Variants in TMEM131L observed in about 807,000 individuals in gnomAD.
TMEM131L encodes transmembrane protein 131-like.
A neutral mutation model predicts 192.2 loss-of-function variants in TMEM131L; 54 were observed. The observed-to-expected ratio is 0.28, with a 90% CI of 0.23 to 0.35. The LOEUF (loss-of-function observed/expected upper bound fraction) is 0.35. Among genes scored for constraint, TMEM131L ranks in the 10% least tolerant of loss-of-function variants. The pLI, the probability that TMEM131L is intolerant of heterozygous loss-of-function variation, is 1.00. For missense variants in TMEM131L, 1,888 were observed against 1,972.9 expected, an observed-to-expected ratio of 0.96 and a Z score of 0.82; for synonymous variants, 701 against 704.9, an observed-to-expected ratio of 0.99 and a Z score of 0.09.
chr4:153,616,651 TAGA>T (rs1732996180), intron 26 of TMEM131L, among the ~76,000 whole-genome samples: 1 of 152,328 alleles, frequency 6.6e-6, no homozygotes, highest in South Asian at 2.1e-4. Flanking sequence ...AAGAATAAGG[TAGA>T]AGAAGATCTA....
intron 14 of TMEM131L, among the ~76,000 whole-genome samples, chr4:153,586,873 A>G (rs1004650185): frequency 7.9e-5 from 12 of 152,188 alleles, no homozygotes; most frequent in African/African-American, 2.7e-4. Flanking sequence ...AATCTGGGTA[A>G]ATTATATTTA....
At chr4:153,467,679 T>C (rs926559193) in intron 2 of TMEM131L, among the ~76,000 whole-genome samples, 2 of 152,248 alleles carry the variant, frequency 1.3e-5, no homozygotes, top group African/African-American at 4.8e-5. Flanking sequence ...TATTTGCCAT[T>C]AGCGTTAAGT....
rs531620464 is a variant in TMEM131L at position 153,504,266 on chromosome 4, CTTTTTTTTTTTTTTT to C, written c.239+30395_239+30409del. The stretch of plus-strand genomic sequence containing the variant: ...ACGGGCGTGAGCCACCGCGGTCGGC[CTTTTTTTTTTTTTTT>C]TTTTTTTTTTTTTTTTGGAGACAGA... On this transcript the variant is annotated intron_variant, in intron 3 of 34. Transcript: ENST00000409959. Among the ~76,000 whole-genome samples, 68 of 42,630 alleles carry C rather than the reference CTTTTTTTTTTTTTTT, an allele frequency of 1.6e-3. 1 individual carries two copies. The highest frequency in any genetic ancestry group is 2.7e-3 in the African/African-American group (28 of 10,466). 28.0% of individuals were successfully genotyped at this position (42,630 alleles called of 152,430 possible). A position where few individuals can be genotyped will look rare whatever the true frequency, so the allele number is the denominator to read the frequency against.
chr4:153,568,178 A>G (rs1026989234), intron 7 of TMEM131L, among the ~76,000 whole-genome samples: 2 of 152,180 alleles, frequency 1.3e-5, no homozygotes, highest in Non-Finnish European at 2.9e-5. Context: ...TGGAATGGGA[A>G]CTTGGGAAGA....
intron 3 of TMEM131L, among the ~76,000 whole-genome samples, chr4:153,505,186 A>C (rs950286922): frequency 6.7e-6 from 1 of 149,246 alleles, no homozygotes; most frequent in Admixed American, 6.7e-5. Flanking sequence ...GGCTCACTGC[A>C]ACCTCTGCCT....
At chr4:153,571,176 T>G (rs1261293985) in intron 7 of TMEM131L, among the ~76,000 whole-genome samples, 1 of 152,214 alleles carries the variant, frequency 6.6e-6, no homozygotes, top group Non-Finnish European at 1.5e-5. Context: ...TTTTTCTGTT[T>G]GTTGCGTTGC....
At chr4:153,583,110 A>G (rs1730472818) in intron 9 of TMEM131L, 80 bp from the exon 10 acceptor site, 6 of 761,938 alleles carry the variant, frequency 7.9e-6, no homozygotes, top group South Asian at 1.5e-5. Context: ...TAATGATTAT[A>G]TGAAGGTGTG....
intron 14 of TMEM131L, among the ~76,000 whole-genome samples, chr4:153,587,139 A>G (rs916714042): frequency 3.3e-5 from 5 of 152,116 alleles, no homozygotes; most frequent in Admixed American, 6.6e-5. Context: ...GGTTAATTCC[A>G]TTTATCCATA....
intron 3 of TMEM131L, among the ~76,000 whole-genome samples, chr4:153,526,549 A>G (rs1580138270): frequency 6.6e-6 from 1 of 152,080 alleles, no homozygotes; most frequent in East Asian, 1.9e-4. Flanking sequence ...CCCGGCTAAC[A>G]CGGTGAAACC....
intron 9 of TMEM131L, among the ~76,000 whole-genome samples, chr4:153,582,420 G>GTTTTTTTGTTTTTTTTTTTTTT (rs1730402406): frequency 1.2e-5 from 1 of 81,844 alleles, no homozygotes; most frequent in African/African-American, 5.5e-5. Flanking sequence ...AATTTAAACC[G>GTTTTTTTGTTTTTTTTTTTTTT]TTTTTTTTTG....
intron 11 of TMEM131L, 132 bp downstream of exon 11, chr4:153,583,804 A>C: frequency 1.6e-6 from 1 of 626,330 alleles, no homozygotes; most frequent in Non-Finnish European, 2.9e-6. Flanking sequence ...AAGAAGTCCC[A>C]GCCTTAGTAG....
chr4:153,507,257 A>T, intron 3 of TMEM131L, among the ~76,000 whole-genome samples: 1 of 152,152 alleles, frequency 6.6e-6, no homozygotes, highest in East Asian at 1.9e-4. Context: ...TCTGGATGTG[A>T]ACTGTCCTTT....
chr4:153,511,876 T>C (rs1375109318), intron 3 of TMEM131L, among the ~76,000 whole-genome samples: 4 of 152,216 alleles, frequency 2.6e-5, no homozygotes, highest in African/African-American at 4.8e-5. Flanking sequence ...TTATAGTTTC[T>C]TTTGAGCAAT....
chr4:153,616,798 A>C (rs1249695269), intron 26 of TMEM131L, among the ~76,000 whole-genome samples: 1 of 152,206 alleles, frequency 6.6e-6, no homozygotes, highest in Non-Finnish European at 1.5e-5. Flanking sequence ...TTTTCTATAA[A>C]AATTAAATGG....
chr4:153,630,851 C>T (rs6845800), intron 31 of TMEM131L, among the ~76,000 whole-genome samples: 16,916 of 152,194 alleles, frequency 0.11, 2,029 homozygotes, highest in African/African-American at 0.3. Flanking sequence ...TTCCAGCTGG[C>T]CGCAGTGGAG....
At chr4:153,596,495 G>A (rs1028484319) in intron 20 of TMEM131L, 110 bp downstream of exon 20, 1 of 1,348,538 alleles carries the variant, frequency 7.4e-7, no homozygotes, top group African/African-American at 1.4e-5. Context: ...CAGGATGAAG[G>A]CTGTGTTGCG....
chr4:153,467,626 G>A (rs1473562665), intron 2 of TMEM131L, among the ~76,000 whole-genome samples: 1 of 152,232 alleles, frequency 6.6e-6, no homozygotes, highest in Non-Finnish European at 1.5e-5. Flanking sequence ...TGGCTAAGAG[G>A]TTGAGGACAA....
In TMEM131L at chr4:153,622,979, G is replaced by T. The variant is rs781143708; in HGVS notation, c.3941G>T (p.Gly1314Val). The T allele has an allele frequency of 9.3e-6, 15 of 1,614,104 alleles. No individual in the cohort carries two copies. Among genetic ancestry groups the T allele is most frequent in the Non-Finnish European group, 1.3e-5 (15 of 1,180,040 alleles). ...DSSSDCGSSS[G>V]SVRASRGSWG... ...AGCTCTGACTGTGGGAGCTCCTCTG[G>T]CAGCGTGCGTGCCAGCCGGGGCAGC... Residue 1314 changes from glycine to valine, a missense_variant, in exon 29 of 35, where the codon GGC becomes GTC. By Grantham distance (109) the Gly-to-Val change is moderately radical. Coordinates refer to ENST00000409959, the MANE Select transcript of TMEM131L (RefSeq NM_001131007.2).
At chr4:153,588,591 G>T (rs551285907) in intron 15 of TMEM131L, among the ~76,000 whole-genome samples, 1 of 151,816 alleles carries the variant, frequency 6.6e-6, no homozygotes, top group South Asian at 2.1e-4. Flanking sequence ...ATTTAAAGCT[G>T]TTAAAAATGT....
Sources: gnomAD v4.1 joint callset for allele counts (sites outside exome capture counted in the v4.1 genomes callset) on GRCh38, gnomAD v4.1.1 for gene constraint, MANE v1.5 for transcripts, NCBI Gene and HGNC (gene_info 2026-07-23, HGNC 2026-07-21) for gene names.